ARMCX4: variants seen among roughly 807,000 people sequenced by gnomAD.
ARMCX4 encodes armadillo repeat containing X-linked 4, also known as armadillo repeat-containing X-linked protein 4.
Under a neutral mutation model 34.7 loss-of-function variants are expected in ARMCX4, and 3 were observed. The ratio of observed to expected loss-of-function variants is 0.09; its 90% CI spans 0.04 to 0.22. The LOEUF is 0.22. ARMCX4 is among the 10% of genes least tolerant of loss of function. The probability of loss-of-function intolerance (pLI) is 1.00; values close to 1 mark genes in which losing one functional copy is unlikely to be tolerated. For missense variants in ARMCX4, 1,448 were observed against 1,720.8 expected (o/e 0.84, Z 2.81); for synonymous variants, 513 against 632.8 (o/e 0.81, Z 2.84).
At chrX:101,531,911 C>G (rs1477275784) in exon 12 of ARMCX4, 1 of 112,133 alleles carries the variant, frequency 8.9e-6, no homozygotes, top group Non-Finnish European at 1.9e-5. Context: ...TCTTTGCTGA[C>G]AATGATTCTG....
intron 4 of ARMCX4, among the ~76,000 whole-genome samples, chrX:101,479,638 C>T (rs1376154120): frequency 9.2e-6 from 1 of 108,740 alleles, no homozygotes; most frequent in African/African-American, 3.4e-5. Context: ...GCGCCACCAC[C>T]CCTGGCTAAT....
intron 4 of ARMCX4, among the ~76,000 whole-genome samples, chrX:101,471,314 C>A (rs1406263688): frequency 4.5e-5 from 5 of 111,963 alleles, no homozygotes; most frequent in African/African-American, 1.6e-4. Context: ...CCAACTTTCT[C>A]TTTTATTATT....
chrX:101,459,445 T>A (rs1360630392), intron 4 of ARMCX4, among the ~76,000 whole-genome samples: 1 of 111,750 alleles, frequency 8.9e-6, no homozygotes, highest in Non-Finnish European at 1.9e-5. Flanking sequence ...TTGCTTATAT[T>A]TCCAGATGCT....
downstream of ARMCX4, among the ~76,000 whole-genome samples, chrX:101,446,484 G>C (rs1280654667): frequency 8.9e-6 from 1 of 111,770 alleles, no homozygotes; most frequent in Non-Finnish European, 1.9e-5. Flanking sequence ...CCTTTGAAGG[G>C]AGCAATTTGT....
chrX:101,459,779 T>C (rs1439279881), intron 4 of ARMCX4, among the ~76,000 whole-genome samples: 1 of 112,637 alleles, frequency 8.9e-6, no homozygotes, highest in Non-Finnish European at 1.9e-5. Flanking sequence ...GGTTTTCCCA[T>C]TTTTTCCTCA....
chrX:101,443,996 C>T (rs1931477397), intron 2 of ARMCX4: 1 of 379,577 alleles, frequency 2.6e-6, no homozygotes. Flanking sequence ...GACACATAAA[C>T]TCTGGGATAA....
At chrX:101,488,004 C>G in intron 4 of ARMCX4, 40 bp from the exon 5 acceptor site, 8 of 826,974 alleles carry the variant, frequency 9.7e-6, no homozygotes, top group Non-Finnish European at 1.3e-5. Context: ...CTGTCTGTCT[C>G]TAGGTCCAGA....
At chrX:101,466,966 T>G (rs187354160) in intron 4 of ARMCX4, among the ~76,000 whole-genome samples, 83 of 112,631 alleles carry the variant, frequency 7.4e-4, no homozygotes, top group Middle Eastern at 4.6e-3. Flanking sequence ...CTGGGTGGCA[T>G]CTTCCTAGAG....
At chrX:101,496,081 CCTT>C (rs1934170558), downstream of ARMCX4, among the ~76,000 whole-genome samples, 1 of 110,311 alleles carries the variant, frequency 9.1e-6, no homozygotes, top group Non-Finnish European at 1.9e-5. Context: ...AGATGGGAAT[CCTT>C]CTCCAGAGAG....
intron 4 of ARMCX4, among the ~76,000 whole-genome samples, chrX:101,473,213 G>A (rs1556003460): frequency 9.1e-6 from 1 of 110,346 alleles, no homozygotes; most frequent in Non-Finnish European, 1.9e-5. Context: ...GACAAAGAAG[G>A]CCATTACTTA....
chrX:101,458,042 T>TA (rs1932402094), intron 4 of ARMCX4, among the ~76,000 whole-genome samples: 1 of 111,365 alleles, frequency 9.0e-6, no homozygotes, highest in South Asian at 3.8e-4. Context: ...GTGCCTGGCC[T>TA]AAAAAACCTT....
intron 2 of ARMCX4, among the ~76,000 whole-genome samples, chrX:101,425,770 AG>A (rs1929578191): frequency 9.0e-6 from 1 of 111,217 alleles, no homozygotes; most frequent in Non-Finnish European, 1.9e-5. Flanking sequence ...TGGAAAAGTC[AG>A]GGTAGAAGCA....
At chrX:101,506,067 T>C (rs1378496763) in intron 8 of ARMCX4, among the ~76,000 whole-genome samples, 1 of 111,761 alleles carries the variant, frequency 8.9e-6, no homozygotes, top group African/African-American at 3.3e-5. Flanking sequence ...GGTCTCGAAC[T>C]CCTGACCTCA....
intron 2 of ARMCX4, among the ~76,000 whole-genome samples, chrX:101,433,831 G>T (rs1424749021): frequency 9.0e-6 from 1 of 111,581 alleles, no homozygotes; most frequent in Non-Finnish European, 1.9e-5. Flanking sequence ...TTGGACTATT[G>T]GGGCAGAGAC....
chrX:101,503,457 T>G (rs1356041719), intron 7 of ARMCX4, among the ~76,000 whole-genome samples: 133 of 111,580 alleles, frequency 1.2e-3, no homozygotes, highest in African/African-American at 3.9e-3. Context: ...GTTGTTTCCT[T>G]ACTTTTTAAT....
At chrX:101,513,024 G>A (rs951901401) in intron 11 of ARMCX4, among the ~76,000 whole-genome samples, 6 of 108,887 alleles carry the variant, frequency 5.5e-5, no homozygotes, top group South Asian at 4.0e-4. Context: ...TCTGAAATCC[G>A]TAGGGCATGT....
At chrX:101,423,308 G>A (rs782608883) in intron 2 of ARMCX4, among the ~76,000 whole-genome samples, 20 of 109,860 alleles carry the variant, frequency 1.8e-4, no homozygotes, top group Non-Finnish European at 3.8e-4. Context: ...AAAACCCTTA[G>A]AATCTCTGAG....
intron 7 of ARMCX4, among the ~76,000 whole-genome samples, chrX:101,504,632 C>A (rs948577205): frequency 2.7e-5 from 3 of 111,033 alleles, no homozygotes; most frequent in African/African-American, 9.8e-5. Context: ...CTGGGTCTGA[C>A]TCTGGCCCCG....
rs183386123 is a variant in ARMCX4, at chrX:101,419,571, C to T, written n.164+571C>T. Among the ~76,000 whole-genome samples the T allele has an allele frequency of 4.5e-5, 5 of 111,872 alleles. No individual in the cohort carries two copies. The East Asian group carries it at 1.4e-3, about 31-fold the overall frequency. On this transcript the variant is annotated intron_variant and non_coding_transcript_variant, in intron 2 of 3. Coordinates refer to the ARMCX4 transcript ENST00000430461. ...AAAGTAAGACATAAAGATAAAGAAA[C>T]ATACACTGGCCTGAGGAAGTAACAA...
Sources: gnomAD v4.1 joint callset for allele counts (sites outside exome capture counted in the v4.1 genomes callset) on GRCh38, gnomAD v4.1.1 for gene constraint, MANE v1.5 for transcripts, NCBI Gene and HGNC (gene_info 2026-07-23, HGNC 2026-07-21) for gene names.